The following SNX13 variants were observed in gnomAD, a reference collection of about 807,000 sequenced individuals.
The protein encoded by SNX13 is sorting nexin-13.
SNX13 carries 45 observed loss-of-function variants against 133.6 expected under a neutral mutation model. The ratio of observed to expected loss-of-function variants is 0.34; its 90% CI spans 0.27 to 0.43. SNX13 has a LOEUF of 0.43. Ranked by LOEUF, SNX13 falls within the 20% of genes least tolerant of loss-of-function variation. The pLI, the probability that SNX13 is intolerant of heterozygous loss-of-function variation, is 1.00. For missense variants in SNX13, 1,032 were observed against 1,145.1 expected, an observed-to-expected ratio of 0.90 and a Z score of 1.43; for synonymous variants, 414 against 373.9, an observed-to-expected ratio of 1.11 and a Z score of -1.24.
At chr7:17,849,298 C>T (rs1015985363) in intron 11 of SNX13, among the ~76,000 whole-genome samples, 27 of 152,072 alleles carry the variant, frequency 1.8e-4, no homozygotes, top group Non-Finnish European at 3.2e-4. Flanking sequence ...TTTTTTCTTT[C>T]TCACCCCATA....
intron 11 of SNX13, among the ~76,000 whole-genome samples, chr7:17,846,472 T>A (rs898223338): frequency 2.6e-5 from 4 of 152,190 alleles, no homozygotes; most frequent in African/African-American, 9.7e-5. Context: ...CTGCTGCCCT[T>A]TCCAATAAGA....
At chr7:17,902,807 G>A (rs946957756) in intron 1 of SNX13, among the ~76,000 whole-genome samples, 7 of 152,270 alleles carry the variant, frequency 4.6e-5, no homozygotes, top group Admixed American at 2.6e-4. Context: ...TGAGCATGCC[G>A]CGAGCATTAG....
In SNX13 at chr7:17,940,424, T is replaced by C. The variant is rs1266733391; in HGVS notation, c.-129A>G. ...CCTTCAGTCTTCTCCCGGGCGGCGGTTTTACTCGGCTTCGCTGGCCTCCCC... is the reference window on the plus strand; with the variant it reads ...CCTTCAGTCTTCTCCCGGGCGGCGGCTTTACTCGGCTTCGCTGGCCTCCCC... On this transcript the variant is annotated 5_prime_UTR_variant, in exon 1 of 26. Coordinates refer to ENST00000428135, the MANE Select transcript of SNX13 (RefSeq NM_015132.5). 7 of 1,099,888 alleles carry C rather than the reference T, an allele frequency of 6.4e-6. No individual in the cohort carries two copies. Among genetic ancestry groups the C allele is most frequent in the Non-Finnish European group, 9.4e-6 (7 of 743,458 alleles). The allele number at this position is 1,099,888 out of a possible 1,614,324, so 68.1% of individuals were successfully genotyped here. A position where few individuals can be genotyped will look rare whatever the true frequency, so the allele number is the denominator to read the frequency against.
At chr7:17,874,477 C>T (rs150363600) in intron 7 of SNX13, among the ~76,000 whole-genome samples, 4 of 152,246 alleles carry the variant, frequency 2.6e-5, no homozygotes, top group African/African-American at 9.6e-5. Context: ...CCGAAACCCT[C>T]TCACTGTTCA....
chr7:17,830,041 A>G lies in SNX13; in HGVS notation c.1604T>C (p.Phe535Ser). Residue 535 changes from phenylalanine (F) to serine (S), a missense_variant, in exon 16 of 26, where the codon TTT (phenylalanine) becomes TCT (serine). Phe to Ser is a radical substitution (Grantham distance 155). Transcript: ENST00000428135. ...RGSDDGDGES[F>S]NGSPTGSINL... ...TATGCTTCCTGTAGGAGACCCATTA[A>G]AAGATTCTGCAGGGGGGAAATTCAA... is the stretch of plus-strand genomic sequence containing the variant. 1 of 1,532,244 alleles carries G rather than the reference A, an allele frequency of 6.5e-7. No individual in the cohort carries two copies. The highest frequency in any genetic ancestry group is 8.8e-7 in the Non-Finnish European group (1 of 1,134,470). 94.9% of individuals were successfully genotyped at this position (1,532,244 alleles called of 1,614,324 possible).
chr7:17,803,100 T>C (rs750840920), intron 21 of SNX13, among the ~76,000 whole-genome samples: 6 of 152,118 alleles, frequency 3.9e-5, no homozygotes, highest in African/African-American at 1.4e-4. Flanking sequence ...GCTACTAAAT[T>C]TAATAGTACT....
intron 13 of SNX13, among the ~76,000 whole-genome samples, chr7:17,835,625 G>C (rs957579457): frequency 6.6e-6 from 1 of 151,866 alleles, no homozygotes; most frequent in Non-Finnish European, 1.5e-5. Context: ...AGTCTGGAGA[G>C]TAAATGAGTC....
In SNX13 at chr7:17,814,961, A is replaced by G. The variant is rs1212723787; in HGVS notation, c.1954-17T>C. ...TAACAGTAACTAACAAGAAAAAAAAAAAAAAGAAGAGATTATCTTAAACTG... is the reference window on the plus strand; with the variant it reads ...TAACAGTAACTAACAAGAAAAAAAAGAAAAAGAAGAGATTATCTTAAACTG... On this transcript the variant is annotated splice_polypyrimidine_tract_variant and intron_variant, in intron 19 of 25. Coordinates refer to ENST00000428135, the MANE Select transcript of SNX13 (RefSeq NM_015132.5). 10 of 1,406,128 alleles carry G rather than the reference A, an allele frequency of 7.1e-6. No individual in the cohort carries two copies. Among genetic ancestry groups the G allele is most frequent in the Non-Finnish European group, 9.2e-6 (10 of 1,086,096 alleles). 87.1% of individuals were successfully genotyped at this position (1,406,128 alleles called of 1,614,324 possible).
intron 8 of SNX13, 62 bp from the exon 9 acceptor site, chr7:17,868,552 T>C (rs560779025): frequency 3.2e-6 from 4 of 1,251,802 alleles, no homozygotes; most frequent in South Asian, 2.7e-5. Flanking sequence ...CAGCATAATG[T>C]AAATATTCTA....
At chr7:17,909,940 T>C (rs1016336034) in intron 1 of SNX13, among the ~76,000 whole-genome samples, 6 of 152,188 alleles carry the variant, frequency 3.9e-5, no homozygotes, top group Admixed American at 1.3e-4. Context: ...TACAAATCCA[T>C]TGATCAAATA....
chr7:17,844,100 C>A (rs547991280), intron 12 of SNX13, among the ~76,000 whole-genome samples: 2 of 151,660 alleles, frequency 1.3e-5, no homozygotes, highest in East Asian at 3.9e-4. Context: ...AAAGAGAGAA[C>A]AGAAAAACAA....
intron 1 of SNX13, among the ~76,000 whole-genome samples, chr7:17,911,726 A>G (rs370151304): frequency 6.6e-6 from 1 of 152,176 alleles, no homozygotes; most frequent in African/African-American, 2.4e-5. Flanking sequence ...TAATGCAATG[A>G]AGGCAATGCT....
At chr7:17,903,697 C>T (rs1440018243) in intron 1 of SNX13, among the ~76,000 whole-genome samples, 1 of 152,132 alleles carries the variant, frequency 6.6e-6, no homozygotes, top group African/African-American at 2.4e-5. Flanking sequence ...TGATACTAAA[C>T]AAATCTTGAC....
Position 17,873,558 on chromosome 7 carries a change from G to T in SNX13, c.723C>A (p.Phe241Leu). 1 of 1,585,598 alleles carries T rather than the reference G, an allele frequency of 6.3e-7. No homozygotes were observed. Residue 241 changes from phenylalanine to leucine, a missense_variant, in exon 8 of 26, where the codon TTC (phenylalanine) becomes TTA (leucine). Coordinates refer to ENST00000428135, the MANE Select transcript of SNX13 (RefSeq NM_015132.5). ...LLYLLLPPGDFQNKIMRYFVR... is the reference protein window; with the variant it reads ...LLYLLLPPGDLQNKIMRYFVR... ...CAAAGTATCGCATGATCTTGTTCTG[G>T]AAATCTCCAGGAGGTAGCAATAAAT... is the stretch of plus-strand genomic sequence containing the variant.
intron 1 of SNX13, among the ~76,000 whole-genome samples, chr7:17,931,909 A>T (rs1157700596): frequency 6.6e-6 from 1 of 152,242 alleles, no homozygotes; most frequent in Non-Finnish European, 1.5e-5. Flanking sequence ...ACGACATAAC[A>T]GTACTCTGTC....
Position 17,803,566 on chromosome 7 carries a change from T to C in SNX13, c.2079A>G (p.Val693=). The part of the protein sequence containing the change: ...GDFARKMDTF[V]NPLRNSMRNV... ...TCCTCATTGAATTGCGAAGTGGATT[T>C]ACAAAAGTGTCCATCTAAAGGGAAA... is the stretch of plus-strand genomic sequence containing the variant. Residue 693 remains valine, a synonymous_variant, in exon 21 of 26, where the codon GTA becomes GTG. Transcript: ENST00000428135. The C allele has an allele frequency of 6.2e-7, 1 of 1,609,138 alleles. No homozygotes were observed. The highest frequency in any genetic ancestry group is 8.5e-7 in the Non-Finnish European group (1 of 1,177,776).
At chr7:17,878,317 A>C (rs1794951447) in intron 5 of SNX13, among the ~76,000 whole-genome samples, 1 of 152,194 alleles carries the variant, frequency 6.6e-6, no homozygotes, top group Non-Finnish European at 1.5e-5. Context: ...TAATTTCTTG[A>C]ATTTAAAAAT....
intron 1 of SNX13, among the ~76,000 whole-genome samples, chr7:17,904,980 G>T (rs1420077097): frequency 2.6e-5 from 4 of 152,098 alleles, no homozygotes; most frequent in African/African-American, 7.2e-5. Context: ...CTAGACAAGT[G>T]AAATGAGGGA....
At chr7:17,925,278 T>G (rs747921527) in intron 1 of SNX13, among the ~76,000 whole-genome samples, 6 of 151,850 alleles carry the variant, frequency 4.0e-5, no homozygotes, top group Non-Finnish European at 8.8e-5. Context: ...GAGAAAGAAG[T>G]GTGGAGTAAA....
Sources: gnomAD v4.1 joint callset for allele counts (sites outside exome capture counted in the v4.1 genomes callset) on GRCh38, gnomAD v4.1.1 for gene constraint, MANE v1.5 for transcripts, NCBI Gene and HGNC (gene_info 2026-07-23, HGNC 2026-07-21) for gene names.